PMEPA1: variants seen among roughly 807,000 people sequenced by gnomAD.
The protein encoded by PMEPA1 is prostate transmembrane protein, androgen induced 1.
Under a neutral mutation model 23.0 loss-of-function variants are expected in PMEPA1, and 11 were observed. The ratio of observed to expected loss-of-function variants is 0.48; its 90% CI spans 0.30 to 0.79. The LOEUF (loss-of-function observed/expected upper bound fraction) is 0.79. Ranked by LOEUF, PMEPA1 falls within the 30% of genes least tolerant of loss-of-function variation. The probability of loss-of-function intolerance (pLI) is 0.06; values close to 1 mark genes in which losing one functional copy is unlikely to be tolerated. For missense variants in PMEPA1, 377 were observed against 390.9 expected, an observed-to-expected ratio of 0.96 and a Z score of 0.30; for synonymous variants, 204 against 166.4, an observed-to-expected ratio of 1.23 and a Z score of -1.74.
intron 1 of PMEPA1, among the ~76,000 whole-genome samples, chr20:57,695,463 C>G (rs1261689324): frequency 1.3e-5 from 2 of 152,264 alleles, no homozygotes; most frequent in Non-Finnish European, 2.9e-5. Flanking sequence ...AATCGGACCT[C>G]CAGCCCAGCT....
intron 1 of PMEPA1, among the ~76,000 whole-genome samples, chr20:57,694,924 G>A (rs1169706122): frequency 2.6e-5 from 4 of 152,198 alleles, no homozygotes; most frequent in South Asian, 2.1e-4. Context: ...CTGGTATCCC[G>A]GTGCCACAGC....
chr20:57,658,158 C>G (rs951304741), intron 2 of PMEPA1, among the ~76,000 whole-genome samples: 2 of 152,226 alleles, frequency 1.3e-5, no homozygotes, highest in Non-Finnish European at 2.9e-5. Context: ...CAGATCTGCC[C>G]TGTTTGCCCC....
chr20:57,691,463 G>C (rs1024472374), intron 1 of PMEPA1, among the ~76,000 whole-genome samples: 2 of 152,154 alleles, frequency 1.3e-5, no homozygotes, highest in African/African-American at 4.8e-5. Flanking sequence ...TCTCTGGGCT[G>C]GTCTAGGAGG....
chr20:57,703,213 A>G (rs538258126), intron 1 of PMEPA1, among the ~76,000 whole-genome samples: 30 of 152,344 alleles, frequency 2.0e-4, no homozygotes, highest in Non-Finnish European at 3.1e-4. Flanking sequence ...GAAACTGAAG[A>G]CCGGCCCCTC....
At chr20:57,702,250 T>C (rs2146712637) in intron 1 of PMEPA1, among the ~76,000 whole-genome samples, 1 of 152,312 alleles carries the variant, frequency 6.6e-6, no homozygotes, top group East Asian at 1.9e-4. Flanking sequence ...GGAGGCTGTG[T>C]CTAGTGATGT....
chr20:57,691,339 C>T (rs1015598423), intron 1 of PMEPA1, among the ~76,000 whole-genome samples: 16 of 152,204 alleles, frequency 1.1e-4, no homozygotes, highest in Non-Finnish European at 2.9e-5. Flanking sequence ...CCAACTCTTC[C>T]GAAGGTCCCT....
intron 1 of PMEPA1, among the ~76,000 whole-genome samples, chr20:57,687,157 A>G (rs1214137894): frequency 5.3e-5 from 8 of 152,258 alleles, no homozygotes; most frequent in Non-Finnish European, 1.0e-4. Flanking sequence ...TCTAGAACCG[A>G]TCTGCCAACG....
intron 2 of PMEPA1, among the ~76,000 whole-genome samples, chr20:57,653,887 G>A: frequency 6.6e-6 from 1 of 152,094 alleles, no homozygotes; most frequent in East Asian, 1.9e-4. Context: ...TTGCTTCTAT[G>A]CATTTATTTC....
chr20:57,661,029 C>A (rs1294470789), intron 1 of PMEPA1, among the ~76,000 whole-genome samples: 3 of 152,244 alleles, frequency 2.0e-5, no homozygotes, highest in African/African-American at 4.8e-5. Flanking sequence ...CCACGCTCAA[C>A]AGGACGGGGG....
rs768838883 is a variant in PMEPA1, at chr20:57,682,985, GAGA to G, written c.110-23291_110-23289del. Among the ~76,000 whole-genome samples, 5 of 152,274 alleles carry G rather than the reference GAGA, an allele frequency of 3.3e-5. No individual in the cohort carries two copies. Among genetic ancestry groups the G allele is most frequent in the Admixed American group, 6.5e-5 (1 of 15,306 alleles). ...CGGCTTCTCCAACTCTTCAGAAAAGGAGAAGAAGAAGAAAAAAGAGTCCAAGCC... is the reference window on the plus strand; with the variant it reads ...CGGCTTCTCCAACTCTTCAGAAAAGGAGAAGAAGAAAAAAGAGTCCAAGCC... On this transcript the variant is annotated intron_variant, in intron 1 of 3. Coordinates refer to ENST00000341744, the MANE Select transcript of PMEPA1 (RefSeq NM_020182.5). This position sits in a 1 kb window ranked among gnomAD's most constrained non-coding sequence, Gnocchi z 4.4.
intron 1 of PMEPA1, among the ~76,000 whole-genome samples, chr20:57,708,759 T>C (rs994339793): frequency 6.6e-6 from 1 of 151,840 alleles, no homozygotes; most frequent in Non-Finnish European, 1.5e-5. Context: ...TTCAGACACC[T>C]GGACACACAC....
Position 57,651,094 on chromosome 20 carries a change from A to G in PMEPA1, c.*959T>C, listed in dbSNP as rs1452735011. On this transcript the variant is annotated 3_prime_UTR_variant, in exon 4 of 4. Transcript: ENST00000341744. Reference sequence around the variant, plus strand: ...AACAGTTTATTTTCATTTTTGGGAAAGGCAAAACCACTACCTGGAACTCGG... The same window carrying G: ...AACAGTTTATTTTCATTTTTGGGAAGGGCAAAACCACTACCTGGAACTCGG... 6.6e-6 allele frequency: 1 copy of G among 152,262 alleles called. No individual in the cohort carries two copies. The highest frequency in any genetic ancestry group is 6.5e-5 in the Admixed American group (1 of 15,290). 9.4% of individuals were successfully genotyped at this position (152,262 alleles called of 1,614,324 possible). A position where few individuals can be genotyped will look rare whatever the true frequency, so the allele number is the denominator to read the frequency against.
At chr20:57,659,500 C>T (rs1273432682) in intron 2 of PMEPA1, 43 bp downstream of exon 2, 6 of 1,597,520 alleles carry the variant, frequency 3.8e-6, no homozygotes, top group Non-Finnish European at 5.1e-6. Flanking sequence ...GGGCGTCCCA[C>T]TGCCGCACCC....
At position 57,650,509 on chromosome 20, in the gene PMEPA1, C is replaced by G. The variant is rs1454235673; in HGVS notation, c.*1544G>C. 1 of 152,396 alleles carries G rather than the reference C, an allele frequency of 6.6e-6. No individual in the cohort carries two copies. Among genetic ancestry groups the G allele is most frequent in the Non-Finnish European group, 1.5e-5 (1 of 68,140 alleles). The allele number at this position is 152,396 out of a possible 1,614,324, so 9.4% of individuals were successfully genotyped here. On this transcript the variant is annotated 3_prime_UTR_variant, in exon 4 of 4. Coordinates refer to ENST00000341744, the MANE Select transcript of PMEPA1 (RefSeq NM_020182.5). ...TTCACCTGCACGTCACCAGCAGGTC[C>G]CGCCAACCCCAAATCTATCTGGTGA...
In PMEPA1 at chr20:57,649,950, C is replaced by T. The variant is rs1009480792; in HGVS notation, c.*2103G>A. The T allele has an allele frequency of 2.6e-5, 4 of 152,636 alleles. No individual in the cohort carries two copies. Among genetic ancestry groups the T allele is most frequent in the Non-Finnish European group, 5.9e-5 (4 of 68,022 alleles). The allele number at this position is 152,636 out of a possible 1,614,324, so 9.5% of individuals were successfully genotyped here. On this transcript the variant is annotated 3_prime_UTR_variant, in exon 4 of 4. Coordinates refer to ENST00000341744, the MANE Select transcript of PMEPA1 (RefSeq NM_020182.5). ...TTTTAATCATCTTTACAAGTGCGTC[C>T]TTGTACCTTTCGGGATAACCTGTAC...
At chr20:57,679,857 C>T (rs1218001135) in intron 1 of PMEPA1, among the ~76,000 whole-genome samples, 2 of 152,140 alleles carry the variant, frequency 1.3e-5, no homozygotes, top group African/African-American at 4.8e-5. Context: ...TTAGAAGCCC[C>T]TAAAATGGGT....
intron 1 of PMEPA1, among the ~76,000 whole-genome samples, chr20:57,665,089 G>A (rs1299979077): frequency 1.3e-5 from 2 of 152,204 alleles, no homozygotes; most frequent in Non-Finnish European, 2.9e-5. Context: ...AGCAGTCATA[G>A]GCCACAGGGG....
rs2071219425 is a variant in PMEPA1 at position 57,651,015 on chromosome 20, C to T, written c.*1038G>A. 6.6e-6 allele frequency: 1 copy of T among 152,244 alleles called. No individual in the cohort carries two copies. The highest frequency in any genetic ancestry group is 2.4e-5 in the African/African-American group (1 of 41,454). 9.4% of individuals were successfully genotyped at this position (152,244 alleles called of 1,614,324 possible). A position where few individuals can be genotyped will look rare whatever the true frequency, so the allele number is the denominator to read the frequency against. ...CTTGTGAGGGGCACCATGCTCCACC[C>T]CACGGGGACCTTCACAGTTGGAAAA... On this transcript the variant is annotated 3_prime_UTR_variant, in exon 4 of 4. Transcript: ENST00000341744.
intron 2 of PMEPA1, among the ~76,000 whole-genome samples, chr20:57,658,643 G>A (rs995628321): frequency 6.6e-6 from 1 of 152,146 alleles, no homozygotes; most frequent in African/African-American, 2.4e-5. Context: ...TTACAAATGG[G>A]GGATCTGAAG....
Sources: gnomAD v4.1 joint callset for allele counts (sites outside exome capture counted in the v4.1 genomes callset) on GRCh38, gnomAD v4.1.1 for gene constraint, Gnocchi (gnomAD v3.1) non-coding constraint, MANE v1.5 for transcripts, NCBI Gene and HGNC (gene_info 2026-07-23, HGNC 2026-07-21) for gene names.